The following ADAMTS16 variants were observed in gnomAD, a reference collection of about 807,000 sequenced individuals.
ADAMTS16 encodes A disintegrin and metalloproteinase with thrombospondin motifs 16.
A neutral mutation model predicts 145.8 loss-of-function variants in ADAMTS16; 94 were observed. That is an observed-to-expected ratio of 0.64 (90% CI 0.55 to 0.77). The LOEUF is 0.77. Among genes scored for constraint, ADAMTS16 ranks in the 30% least tolerant of loss-of-function variants. The pLI is 0.00. For missense variants in ADAMTS16, 1,585 were observed against 1,591.5 expected, an observed-to-expected ratio of 1.00 and a Z score of 0.07; for synonymous variants, 659 against 604.3, an observed-to-expected ratio of 1.09 and a Z score of -1.33.
At position 5,140,354 on chromosome 5, in the gene ADAMTS16, G is replaced by A; in HGVS notation, c.-114G>A. 1.9e-6 allele frequency: 2 copies of A among 1,065,430 alleles called. No individual in the cohort carries two copies. The highest frequency in any genetic ancestry group is 1.9e-5 in the South Asian group (1 of 52,366). 66.0% of individuals were successfully genotyped at this position (1,065,430 alleles called of 1,614,324 possible). A position where few individuals can be genotyped will look rare whatever the true frequency, so the allele number is the denominator to read the frequency against. ...CAGTAATAACCCCGGCGCGGCGGCG[G>A]AGTCGCTGTGGGGAATCCTCCCGCG... On this transcript the variant is annotated 5_prime_UTR_variant, in exon 1 of 23. Transcript: ENST00000274181.
intron 4 of ADAMTS16, among the ~76,000 whole-genome samples, chr5:5,185,780 C>T (rs1735479242): frequency 6.6e-6 from 1 of 152,152 alleles, no homozygotes; most frequent in South Asian, 2.1e-4. Context: ...GGAGTTACAG[C>T]CAAAGAGTGC....
intron 3 of ADAMTS16, among the ~76,000 whole-genome samples, chr5:5,167,289 T>G (rs1231738914): frequency 6.6e-6 from 1 of 152,234 alleles, no homozygotes; most frequent in Non-Finnish European, 1.5e-5. Context: ...ACTGAATGAC[T>G]GAACAAAAAC....
chr5:5,260,117 C>T (rs189738838), intron 17 of ADAMTS16, among the ~76,000 whole-genome samples: 4 of 152,332 alleles, frequency 2.6e-5, no homozygotes, highest in Admixed American at 2.0e-4. Flanking sequence ...CTTCAATGGA[C>T]GCCTCCTTGG....
At chr5:5,240,150 T>C (rs1351969448) in intron 16 of ADAMTS16, among the ~76,000 whole-genome samples, 1 of 152,008 alleles carries the variant, frequency 6.6e-6, no homozygotes, top group Admixed American at 6.6e-5. Context: ...CATTTGGGGG[T>C]TTTAGCAGTA....
intron 18 of ADAMTS16, among the ~76,000 whole-genome samples, chr5:5,266,653 G>A (rs1375409145): frequency 6.6e-6 from 1 of 152,188 alleles, no homozygotes; most frequent in East Asian, 1.9e-4. Context: ...ACTGCAAGAG[G>A]AAACCTGGGA....
chr5:5,189,262 G>C (rs1735593038), intron 6 of ADAMTS16, among the ~76,000 whole-genome samples: 1 of 152,130 alleles, frequency 6.6e-6, no homozygotes, highest in Admixed American at 6.5e-5. Context: ...CTTGGTGCAG[G>C]CTGGTCTGAT....
intron 9 of ADAMTS16, among the ~76,000 whole-genome samples, chr5:5,207,125 T>C (rs1218022647): frequency 4.6e-5 from 7 of 152,212 alleles, no homozygotes. Context: ...AATGAAGCTA[T>C]AGATTAAAAT....
intron 9 of ADAMTS16, among the ~76,000 whole-genome samples, chr5:5,204,490 C>T (rs1322942472): frequency 1.3e-5 from 2 of 152,112 alleles, no homozygotes; most frequent in African/African-American, 4.8e-5. Context: ...CCAAGGGCTT[C>T]CGCTCTTCCC....
intron 3 of ADAMTS16, among the ~76,000 whole-genome samples, chr5:5,179,179 TA>T (rs1735272894): frequency 6.7e-6 from 1 of 149,196 alleles, no homozygotes. Flanking sequence ...AAAGGCTGAG[TA>T]AATCATCCAA....
chr5:5,207,397 G>T (rs552659977), intron 9 of ADAMTS16, among the ~76,000 whole-genome samples: 1 of 152,080 alleles, frequency 6.6e-6, no homozygotes, highest in Admixed American at 6.5e-5. Flanking sequence ...CTTTTATCCT[G>T]CAACTTTGCC....
At chr5:5,308,200 A>G (rs1431283777) in intron 21 of ADAMTS16, among the ~76,000 whole-genome samples, 1 of 152,164 alleles carries the variant, frequency 6.6e-6, no homozygotes, top group African/African-American at 2.4e-5. Flanking sequence ...TCCAGAGGCC[A>G]TTGGGCTGTG....
chr5:5,273,597 T>G (rs1437084013), intron 18 of ADAMTS16, among the ~76,000 whole-genome samples: 1 of 152,188 alleles, frequency 6.6e-6, no homozygotes, highest in Non-Finnish European at 1.5e-5. Flanking sequence ...CCAGATCAGG[T>G]AGGAATGCCG....
chr5:5,217,859 G>C (rs1056430160), intron 10 of ADAMTS16, among the ~76,000 whole-genome samples: 1 of 152,116 alleles, frequency 6.6e-6, no homozygotes, highest in Non-Finnish European at 1.5e-5. Flanking sequence ...TGTCTTCATC[G>C]TGTACCTATC....
intron 18 of ADAMTS16, among the ~76,000 whole-genome samples, chr5:5,283,617 G>A (rs994712291): frequency 6.6e-6 from 1 of 152,148 alleles, no homozygotes; most frequent in African/African-American, 2.4e-5. Context: ...GTAAACTCAC[G>A]AGACCCCAGG....
At chr5:5,273,321 C>A (rs1738558792) in intron 18 of ADAMTS16, among the ~76,000 whole-genome samples, 1 of 152,306 alleles carries the variant, frequency 6.6e-6, no homozygotes, top group Non-Finnish European at 1.5e-5. Flanking sequence ...AGTTCGAGAC[C>A]AGCCTGCCTG....
At chr5:5,259,240 G>A (rs1257656701) in intron 17 of ADAMTS16, among the ~76,000 whole-genome samples, 1 of 152,196 alleles carries the variant, frequency 6.6e-6, no homozygotes, top group Non-Finnish European at 1.5e-5. Context: ...CTGGCCTGCT[G>A]AGTCCCACCT....
intron 14 of ADAMTS16, among the ~76,000 whole-genome samples, chr5:5,237,451 T>C (rs1202337991): frequency 6.6e-6 from 1 of 152,020 alleles, no homozygotes; most frequent in Non-Finnish European, 1.5e-5. Flanking sequence ...GCCAGATGCA[T>C]GGGTTGCTAG....
chr5:5,231,171 T>C (rs1346176328), intron 11 of ADAMTS16, among the ~76,000 whole-genome samples: 1 of 152,048 alleles, frequency 6.6e-6, no homozygotes, highest in East Asian at 1.9e-4. Flanking sequence ...CAGTGGACTT[T>C]GTTCTACACC....
At chr5:5,222,352 G>GATGC (rs1207719669) in intron 10 of ADAMTS16, among the ~76,000 whole-genome samples, 1 of 151,874 alleles carries the variant, frequency 6.6e-6, no homozygotes, top group African/African-American at 2.4e-5. Context: ...TGGATGGATG[G>GATGC]ATGGACAAGT....
Sources: gnomAD v4.1 joint callset for allele counts (sites outside exome capture counted in the v4.1 genomes callset) on GRCh38, gnomAD v4.1.1 for gene constraint, MANE v1.5 for transcripts, NCBI Gene and HGNC (gene_info 2026-07-23, HGNC 2026-07-21) for gene names.